The following MYH16 variants were observed in gnomAD, a reference collection of about 807,000 sequenced individuals.
MYH16 encodes myosin heavy chain 16.
At chr7:99,250,479 G>T (rs1791796893) in intron 5 of MYH16, among the ~76,000 whole-genome samples, 1 of 152,210 alleles carries the variant, frequency 6.6e-6, no homozygotes, top group African/African-American at 2.4e-5. Context: ...AGTGGCTCAT[G>T]CCTATAATCC....
intron 18 of MYH16, among the ~76,000 whole-genome samples, chr7:99,269,273 CTT>C (rs370518994): frequency 2.8e-5 from 4 of 144,158 alleles, no homozygotes. Flanking sequence ...GAACCATTCT[CTT>C]TTTTTTTTTT....
In MYH16 at chr7:99,295,622, G is replaced by A. The variant is rs367797832; in HGVS notation, n.4283-1079G>A. Reference sequence around the variant, plus strand: ...GCCACATGCAGCCCAATACAAGAACGTGGCTCCATGAAGTGGCCACGTAGG... The same window carrying A: ...GCCACATGCAGCCCAATACAAGAACATGGCTCCATGAAGTGGCCACGTAGG... On this transcript the variant is annotated intron_variant and non_coding_transcript_variant, in intron 33 of 41. Transcript: ENST00000439784. Among the ~76,000 whole-genome samples the A allele has an allele frequency of 2.2e-4, 33 of 152,144 alleles. No homozygotes were observed. In the East Asian group the frequency reaches 5.2e-3, roughly 24 times the overall value.
intron 37 of MYH16, among the ~76,000 whole-genome samples, chr7:99,300,265 T>C (rs1212172708): frequency 6.6e-6 from 1 of 152,202 alleles, no homozygotes; most frequent in Non-Finnish European, 1.5e-5. Context: ...CAGCCCTGTC[T>C]TGATTTGTAA....
chr7:99,261,734 C>T (rs974909694), intron 13 of MYH16: 1 of 152,504 alleles, frequency 6.6e-6, no homozygotes, highest in African/African-American at 2.4e-5. Context: ...CCAGAGACGT[C>T]CCGCTTCCAC....
chr7:99,281,694 C>T (rs1365164559), intron 23 of MYH16, among the ~76,000 whole-genome samples: 1 of 152,194 alleles, frequency 6.6e-6, no homozygotes, highest in African/African-American at 2.4e-5. Flanking sequence ...CCAGCAAAGC[C>T]TAAGACACTG....
intron 20 of MYH16, among the ~76,000 whole-genome samples, chr7:99,273,851 G>A (rs1467612674): frequency 6.6e-6 from 1 of 151,124 alleles, no homozygotes; most frequent in Non-Finnish European, 1.5e-5. Context: ...AAGGAAGACA[G>A]AGAGGAAAGG....
At chr7:99,278,779 T>A (rs1283644620) in intron 21 of MYH16, among the ~76,000 whole-genome samples, 1 of 152,176 alleles carries the variant, frequency 6.6e-6, no homozygotes, top group Admixed American at 6.5e-5. Context: ...CCTTCCACTG[T>A]CCCCAAAGGC....
intron 17 of MYH16, among the ~76,000 whole-genome samples, chr7:99,266,455 TTA>T (rs1308719725): frequency 3.1e-4 from 47 of 152,308 alleles, no homozygotes; most frequent in African/African-American, 1.1e-3. Flanking sequence ...AGAGGTCACC[TTA>T]TCCAAGCCCC....
chr7:99,242,502 G>A (rs960094874), intron 1 of MYH16, among the ~76,000 whole-genome samples: 7 of 152,094 alleles, frequency 4.6e-5, no homozygotes, highest in African/African-American at 1.7e-4. Flanking sequence ...GCCAGGCATG[G>A]TGGTGTGCAC....
At chr7:99,301,007 C>A (rs1173097312) in intron 37 of MYH16, among the ~76,000 whole-genome samples, 2 of 151,904 alleles carry the variant, frequency 1.3e-5, no homozygotes, top group Admixed American at 6.6e-5. Flanking sequence ...CCAGCCTGAG[C>A]AACCTGGCAA....
intron 39 of MYH16, among the ~76,000 whole-genome samples, chr7:99,304,373 G>C (rs1359115290): frequency 6.6e-6 from 1 of 152,126 alleles, no homozygotes; most frequent in East Asian, 1.9e-4. Flanking sequence ...GTGGGGATGG[G>C]AGGCATGAGC....
chr7:99,302,661 G>A (rs1379789080), intron 38 of MYH16, among the ~76,000 whole-genome samples: 1 of 152,076 alleles, frequency 6.6e-6, no homozygotes, highest in African/African-American at 2.4e-5. Flanking sequence ...TGGGAGGACT[G>A]CTTGAGGCCA....
At chr7:99,248,252 C>T (rs1433681409) in intron 3 of MYH16, among the ~76,000 whole-genome samples, 1 of 152,108 alleles carries the variant, frequency 6.6e-6, no homozygotes, top group Non-Finnish European at 1.5e-5. Flanking sequence ...CAGGCATGTG[C>T]CACCACACCC....
intron 36 of MYH16, among the ~76,000 whole-genome samples, chr7:99,298,709 C>T (rs1296884784): frequency 6.7e-6 from 1 of 150,370 alleles, no homozygotes; most frequent in Non-Finnish European, 1.5e-5. Flanking sequence ...ATTTTGAACA[C>T]TTGACTTATC....
At chr7:99,294,521 A>G (rs866850027) in intron 33 of MYH16, among the ~76,000 whole-genome samples, 8 of 118,698 alleles carry the variant, frequency 6.7e-5, no homozygotes, top group Non-Finnish European at 8.3e-5. Context: ...AAAAAAAAAA[A>G]AAAGAAAAAG....
exon 20 of MYH16, chr7:99,273,402 C>T (rs1362652817): frequency 2.2e-6 from 1 of 456,718 alleles, no homozygotes; most frequent in East Asian, 6.9e-5. Flanking sequence ...GTTTCTGGGG[C>T]TGGTGGAAGC....
chr7:99,239,284 A>T (rs1163477395), intron 1 of MYH16, among the ~76,000 whole-genome samples: 2 of 152,258 alleles, frequency 1.3e-5, no homozygotes, highest in Non-Finnish European at 2.9e-5. Flanking sequence ...ATAGACTCTA[A>T]GACAGTACCG....
intron 21 of MYH16, among the ~76,000 whole-genome samples, 197 bp from the exon 4 acceptor site, chr7:99,279,313 C>G (rs967558943): frequency 4.9e-5 from 7 of 142,274 alleles, no homozygotes; most frequent in Non-Finnish European, 9.0e-5. Context: ...GAGCTGTGAT[C>G]ACACTACTGC....
intron 20 of MYH16, among the ~76,000 whole-genome samples, chr7:99,276,854 TGAGAGA>T (rs897547281): frequency 7.4e-6 from 1 of 135,964 alleles, no homozygotes; most frequent in Non-Finnish European, 1.6e-5. Context: ...ACACAGAAAA[TGAGAGA>T]GAGAGAGACA....
Sources: gnomAD v4.1 joint callset for allele counts (sites outside exome capture counted in the v4.1 genomes callset) on GRCh38, gnomAD v4.1.1 for gene constraint, MANE v1.5 for transcripts, NCBI Gene and HGNC (gene_info 2026-07-23, HGNC 2026-07-21) for gene names.